Variants in EFHC1 observed in about 807,000 individuals in gnomAD.
EFHC1 encodes the protein EF-hand domain containing 1.
In EFHC1, 53 loss-of-function variants were observed where a neutral mutation model predicts 69.9. That is an observed-to-expected ratio of 0.76 (90% confidence interval 0.61 to 0.95). The LOEUF (loss-of-function observed/expected upper bound fraction) is 0.95. EFHC1 is among the 40% of genes least tolerant of loss of function. The probability of loss-of-function intolerance (pLI) is 0.00; values close to 1 mark genes in which losing one functional copy is unlikely to be tolerated. For missense variants in EFHC1, 739 were observed against 798.7 expected, an observed-to-expected ratio of 0.93 and a Z score of 0.90; for synonymous variants, 256 against 278.4, an observed-to-expected ratio of 0.92 and a Z score of 0.80.
chr6:52,482,649 T>G (rs1765705251), intron 9 of EFHC1: 4 of 394,524 alleles, frequency 1.0e-5, no homozygotes. Flanking sequence ...CTTTCAATGT[T>G]ATAAAATATG....
intron 1 of EFHC1, among the ~76,000 whole-genome samples, chr6:52,421,564 C>T (rs1027432520): frequency 4.6e-5 from 7 of 152,130 alleles, no homozygotes; most frequent in Non-Finnish European, 1.0e-4. Context: ...CATAGATGAG[C>T]TAACAGTAGT....
At chr6:52,474,747 G>C (rs529206864) in intron 7 of EFHC1, among the ~76,000 whole-genome samples, 1 of 152,226 alleles carries the variant, frequency 6.6e-6, no homozygotes, top group Admixed American at 6.5e-5. Context: ...AGACACAAAA[G>C]AATGCATACA....
At chr6:52,444,377 G>A (rs1333485386) in intron 3 of EFHC1, among the ~76,000 whole-genome samples, 1 of 152,306 alleles carries the variant, frequency 6.6e-6, no homozygotes, top group East Asian at 1.9e-4. Flanking sequence ...AGTTTTCAAA[G>A]GGAATGCTTC....
In EFHC1 at chr6:52,495,180, C is replaced by T. The variant is rs1220340264; in HGVS notation, c.*2839C>T. Reference sequence around the variant, plus strand: ...GGTGTGCACTCTCGCCATGTTCTCACCCAGATGGCTCTCTTGGCTGTGTAA... The same window carrying T: ...GGTGTGCACTCTCGCCATGTTCTCATCCAGATGGCTCTCTTGGCTGTGTAA... On this transcript the variant is annotated 3_prime_UTR_variant, in exon 11 of 11. Transcript: ENST00000371068. 1.1e-5 allele frequency: 5 copies of T among 454,126 alleles called. No homozygotes were observed. Among genetic ancestry groups the T allele is most frequent in the Middle Eastern group, 6.9e-4 (1 of 1,444 alleles). The allele number at this position is 454,126 out of a possible 1,614,324, so 28.1% of individuals were successfully genotyped here. A position where few individuals can be genotyped will look rare whatever the true frequency, so the allele number is the denominator to read the frequency against.
chr6:52,447,630 TGGA>T (rs1449092707), intron 3 of EFHC1, among the ~76,000 whole-genome samples: 3 of 152,244 alleles, frequency 2.0e-5, no homozygotes, highest in Non-Finnish European at 4.4e-5. Context: ...TGCGTTCCTT[TGGA>T]GGAGAAGAGG....
chr6:52,421,142 T>G, intron 1 of EFHC1: 1 of 760,214 alleles, frequency 1.3e-6, no homozygotes, highest in Non-Finnish European at 1.6e-6. Flanking sequence ...TTTCCACAAT[T>G]TAGTCCCATC....
intron 2 of EFHC1, among the ~76,000 whole-genome samples, chr6:52,435,997 C>T (rs1764523943): frequency 6.6e-6 from 1 of 152,164 alleles, no homozygotes; most frequent in African/African-American, 2.4e-5. Flanking sequence ...TGGCCTCAGG[C>T]ACGCCACCTT....
chr6:52,438,704 AATT>A (rs1764592592), intron 3 of EFHC1, 113 bp downstream of exon 3: 3 of 1,101,470 alleles, frequency 2.7e-6, no homozygotes, highest in South Asian at 1.3e-5. Flanking sequence ...GTCCTGCATG[AATT>A]ATTATGAATG....
In EFHC1 at chr6:52,426,164, CTT is replaced by C. The variant is rs553327995; in HGVS notation, c.285+1999_285+2000del. Among the ~76,000 whole-genome samples, 45 of 152,292 alleles carry C rather than the reference CTT, an allele frequency of 3.0e-4. 1 individual carries two copies. The South Asian group carries it at 7.0e-3, about 24-fold the overall frequency. ...CTTGTGATGCCTTTAAGCAAGATAA[CTT>C]TGTTTCTCACTTGACTGTCAAATCA... On this transcript the variant is annotated intron_variant, in intron 2 of 10. Coordinates refer to ENST00000371068, the MANE Select transcript of EFHC1 (RefSeq NM_018100.4).
At chr6:52,445,736 T>C (rs2113986324) in intron 3 of EFHC1, among the ~76,000 whole-genome samples, 1 of 152,330 alleles carries the variant, frequency 6.6e-6, no homozygotes, top group South Asian at 2.1e-4. Flanking sequence ...TTTAAATGTG[T>C]CCCAGAGATT....
At chr6:52,474,041 G>T (rs2114017526) in intron 7 of EFHC1, among the ~76,000 whole-genome samples, 1 of 151,972 alleles carries the variant, frequency 6.6e-6, no homozygotes, top group East Asian at 1.9e-4. Flanking sequence ...ATATTAGAAG[G>T]GCCAGGTGCA....
rs1200958542 is a variant in EFHC1 at position 52,494,197 on chromosome 6, T to C, written c.*1856T>C. 6.6e-6 allele frequency: 3 copies of C among 453,984 alleles called. No homozygotes were observed. The highest frequency in any genetic ancestry group is 6.9e-5 in the East Asian group (1 of 14,410). The allele number at this position is 453,984 out of a possible 1,614,324, so 28.1% of individuals were successfully genotyped here. ...ACATTTAATAACCCTGATAAGCCCA[T>C]TGTAAAGTAGGCAAATAAGTTGGAC... On this transcript the variant is annotated 3_prime_UTR_variant, in exon 11 of 11. Transcript: ENST00000371068.
chr6:52,440,622 A>G (rs1165230110), intron 3 of EFHC1, among the ~76,000 whole-genome samples: 1 of 152,128 alleles, frequency 6.6e-6, no homozygotes, highest in African/African-American at 2.4e-5. Flanking sequence ...TTATGGCAGA[A>G]TGATTTATAT....
chr6:52,427,554 C>CT (rs58307591), intron 2 of EFHC1, among the ~76,000 whole-genome samples: 2 of 147,566 alleles, frequency 1.4e-5, no homozygotes, highest in East Asian at 4.0e-4. Flanking sequence ...ACTTCCCTCT[C>CT]TTTTTTTTTT....
chr6:52,458,587 T>C (rs1765095090), intron 5 of EFHC1, among the ~76,000 whole-genome samples: 1 of 152,042 alleles, frequency 6.6e-6, no homozygotes, highest in Admixed American at 6.6e-5. Context: ...GATGCAATCA[T>C]ACCAGTCAGA....
intron 7 of EFHC1, among the ~76,000 whole-genome samples, chr6:52,476,953 A>G (rs1222929913): frequency 6.6e-6 from 1 of 152,178 alleles, no homozygotes; most frequent in East Asian, 1.9e-4. Flanking sequence ...GCTATATAGG[A>G]TGTTAACATT....
In EFHC1 at chr6:52,442,370, A is replaced by G. The variant is rs1362053629; in HGVS notation, c.573+3779A>G. 3.3e-5 allele frequency among the ~76,000 whole-genome samples: 5 copies of G among 152,238 alleles called. No individual in the cohort carries two copies. In the East Asian group the frequency reaches 7.7e-4, roughly 23 times the overall value. On this transcript the variant is annotated intron_variant, in intron 3 of 10. Transcript: ENST00000371068. ...GTGCAGGTTTGTTGCATATGTATAC[A>G]TGTGCCATGTTGGTGTGCTGTACCC...
At chr6:52,487,050 T>A (rs535491310) in intron 9 of EFHC1, 198 of 152,220 alleles carry the variant, frequency 1.3e-3, no homozygotes, top group African/African-American at 4.6e-3. Flanking sequence ...TAGTAAGTAG[T>A]TTAGGCTTTG....
rs1766036154 is a variant in EFHC1, at chr6:52,495,614, G to A, written c.*3273G>A. On this transcript the variant is annotated 3_prime_UTR_variant, in exon 11 of 11. Coordinates refer to ENST00000371068, the MANE Select transcript of EFHC1 (RefSeq NM_018100.4). ...TTTTTGTGTTTGTTTTTTAGAGACA[G>A]GGTCTTACTCTGTTGCCAGACTGGA... The A allele has an allele frequency of 2.2e-6, 1 of 453,734 alleles. No homozygotes were observed. The highest frequency in any genetic ancestry group is 2.4e-5 in the Admixed American group (1 of 42,530). 28.1% of individuals were successfully genotyped at this position (453,734 alleles called of 1,614,324 possible). A position where few individuals can be genotyped will look rare whatever the true frequency, so the allele number is the denominator to read the frequency against.
Sources: allele counts gnomAD v4.1 joint callset (sites outside exome capture counted in the v4.1 genomes callset), GRCh38; gene constraint gnomAD v4.1.1; transcripts MANE v1.5; gene names NCBI Gene and HGNC (gene_info 2026-07-23, HGNC 2026-07-21).